The following NDC1 variants were observed in gnomAD, a reference collection of about 807,000 sequenced individuals.
NDC1 encodes NDC1 transmembrane nucleoporin.
In NDC1, 24 loss-of-function variants were observed where a neutral mutation model predicts 89.8. That is an observed-to-expected ratio of 0.27 (90% CI 0.19 to 0.38). The LOEUF (loss-of-function observed/expected upper bound fraction) is 0.38, where lower values mean the gene tolerates loss of function less well. Among genes scored for constraint, NDC1 ranks in the 10% least tolerant of loss-of-function variants. The pLI is 1.00. For synonymous variants in NDC1, 296 were observed against 284.8 expected (o/e 1.04, Z -0.39); for missense variants, 728 against 797.6 (o/e 0.91, Z 1.05).
At chr1:53,802,201 T>C (rs1457276098) in intron 10 of NDC1, among the ~76,000 whole-genome samples, 1 of 152,188 alleles carries the variant, frequency 6.6e-6, no homozygotes, top group Non-Finnish European at 1.5e-5. Context: ...TTTTCCACAG[T>C]ATCAGCTCTG....
At position 53,787,366 on chromosome 1, in the gene NDC1, AG is replaced by A. The variant is rs1000155418; in HGVS notation, c.1700-109del. 1.0e-5 allele frequency: 7 copies of A among 674,536 alleles called. No individual in the cohort carries two copies. The African/African-American group carries it at 1.3e-4, about 12-fold the overall frequency. The allele number at this position is 674,536 out of a possible 1,614,324, so 41.8% of individuals were successfully genotyped here. On this transcript the variant is annotated intron_variant, in intron 15 of 17. Coordinates refer to ENST00000371429, the MANE Select transcript of NDC1 (RefSeq NM_018087.5). ...ATATTCTGAATATAAAAAGAAATAA[AG>A]GCTGGGCACGGTGGCTCACACCTGT...
Position 53,809,715 on chromosome 1 carries a change from A to G in NDC1, c.735T>C (p.Ala245=). 6.2e-7 allele frequency: 1 copy of G among 1,612,266 alleles called. No homozygotes were observed. The change falls in exon 7 of 18, where the codon GCT becomes GCC. Residue 245 remains alanine, a synonymous_variant. Coordinates refer to ENST00000371429, the MANE Select transcript of NDC1 (RefSeq NM_018087.5). The stretch of plus-strand genomic sequence containing the variant: ...CTTACTCATCTATGTGAAGGTTCAT[A>G]GCAGTGCTAATCCAAGCTTTGGGAA... The part of the protein sequence containing the change: ...GYIPKAWIST[A]MNLHIDEQVH...
Position 53,788,456 on chromosome 1 carries a change from C to T in NDC1, c.1699+677G>A, listed in dbSNP as rs532247832. Among the ~76,000 whole-genome samples, 31 of 151,670 alleles carry T rather than the reference C, an allele frequency of 2.0e-4. No homozygotes were observed. The East Asian group carries it at 5.6e-3, about 28-fold the overall frequency. On this transcript the variant is annotated intron_variant, in intron 15 of 17. Transcript: ENST00000371429. ...AATTTTTTTTTTTGAGATGGAGTTG[C>T]GCTATTTGTTACCCAGGCTGGAGTG...
chr1:53,810,771 C>T (rs1238371052), intron 6 of NDC1, among the ~76,000 whole-genome samples: 2 of 152,184 alleles, frequency 1.3e-5, no homozygotes, highest in Admixed American at 1.3e-4. Flanking sequence ...ATCATGATGG[C>T]AGATGGGTGG....
At chr1:53,810,982 C>T (rs1648285033) in intron 6 of NDC1, among the ~76,000 whole-genome samples, 1 of 152,196 alleles carries the variant, frequency 6.6e-6, no homozygotes, top group South Asian at 2.1e-4. Flanking sequence ...AAGGAAGACC[C>T]TCCTCTTCTG....
chr1:53,785,619 C>G (rs1647283143), intron 16 of NDC1, among the ~76,000 whole-genome samples: 1 of 152,170 alleles, frequency 6.6e-6, no homozygotes, highest in South Asian at 2.1e-4. Context: ...GTCACCCAGG[C>G]TGGAGTGCAA....
At chr1:53,776,930 G>A (rs1647168112) in intron 16 of NDC1, among the ~76,000 whole-genome samples, 1 of 152,040 alleles carries the variant, frequency 6.6e-6, no homozygotes, top group Non-Finnish European at 1.5e-5. Flanking sequence ...ATTGTTACAA[G>A]ATAGTGAAAA....
Position 53,838,212 on chromosome 1 carries a change from AGTATGTCCCGCGACCTGCCGGCGCAG to A in NDC1, c.24_49del (p.Cys9ValfsTer33), listed in dbSNP as rs1252066551. ...AGTGCACGCCGCACTCACGCGCCAC[AGTATGTCCCGCGACCTGCCGGCGCAG>A]GGCCGGCTCACGGCCGTGGCCATGG... On this transcript the variant is annotated frameshift_variant, in exon 1 of 18. Coordinates refer to ENST00000371429, the MANE Select transcript of NDC1 (RefSeq NM_018087.5). LOFTEE classifies it high-confidence loss of function. The A allele has an allele frequency of 1.3e-6, 2 of 1,535,444 alleles. No individual in the cohort carries two copies. Among genetic ancestry groups the A allele is most frequent in the Non-Finnish European group, 1.7e-6 (2 of 1,145,982 alleles).
intron 11 of NDC1, among the ~76,000 whole-genome samples, chr1:53,799,432 A>C (rs1647833005): frequency 1.3e-5 from 2 of 152,210 alleles, no homozygotes; most frequent in Admixed American, 6.5e-5. Flanking sequence ...GATGTGTGTT[A>C]ATTTATTTAA....
chr1:53,807,879 A>AT, intron 7 of NDC1, 88 bp from the exon 8 acceptor site: 2 of 1,183,856 alleles, frequency 1.7e-6, no homozygotes, highest in Non-Finnish European at 2.4e-6. Context: ...AGACACAAAT[A>AT]TTATGTCTAA....
At chr1:53,768,828 T>C (rs1647088336) in intron 17 of NDC1, among the ~76,000 whole-genome samples, 1 of 152,212 alleles carries the variant, frequency 6.6e-6, no homozygotes, top group African/African-American at 2.4e-5. Flanking sequence ...ATTTCAAGTA[T>C]TTTACTGTAC....
intron 4 of NDC1, 120 bp downstream of exon 4, chr1:53,827,878 GC>G (rs1349302884): frequency 1.2e-5 from 8 of 692,400 alleles, no homozygotes; most frequent in Non-Finnish European, 6.5e-6. Flanking sequence ...CTTGATATAT[GC>G]AAAAAGCACC....
chr1:53,804,839 C>T (rs1320496194), intron 9 of NDC1, among the ~76,000 whole-genome samples: 2 of 151,678 alleles, frequency 1.3e-5, no homozygotes, highest in African/African-American at 4.8e-5. Context: ...CCCCTTTACT[C>T]ATCCTTCAAG....
chr1:53,787,218 T>A lies in NDC1; in HGVS notation c.1740A>T (p.Arg580Ser). The A allele has an allele frequency of 6.2e-7, 1 of 1,608,842 alleles. No individual in the cohort carries two copies. Among genetic ancestry groups the A allele is most frequent in the Non-Finnish European group, 8.5e-7 (1 of 1,178,382 alleles). Residue 580 changes from arginine to serine, a missense_variant, in exon 16 of 18, where the codon AGA (arginine) becomes AGT (serine). By Grantham distance (110) the Arg-to-Ser change is moderately radical (BLOSUM62 -1). Transcript: ENST00000371429. ...GTAGTGTCGTCTGGACAACTCCAAA[T>A]CTATCCTCTGTAAATGATGCTGCTA... ...HLVAASFTED[R>S]FGVVQTTLPA... is the part of the protein sequence containing the mutation.
At chr1:53,773,468 AT>A (rs1647136367) in intron 16 of NDC1, among the ~76,000 whole-genome samples, 1 of 151,992 alleles carries the variant, frequency 6.6e-6, no homozygotes, top group Non-Finnish European at 1.5e-5. Flanking sequence ...TTCCAAGCTG[AT>A]TTTCCCCCTT....
At chr1:53,815,352 C>T (rs1361454832) in intron 6 of NDC1, among the ~76,000 whole-genome samples, 3 of 152,172 alleles carry the variant, frequency 2.0e-5, no homozygotes, top group African/African-American at 7.2e-5. Context: ...AAACAAAAAT[C>T]ACATGATCAT....
intron 4 of NDC1, among the ~76,000 whole-genome samples, chr1:53,826,274 A>T (rs1648858650): frequency 6.6e-6 from 1 of 152,240 alleles, no homozygotes. Flanking sequence ...AGATGCCATA[A>T]CATTGGGTTT....
At chr1:53,816,198 A>G (rs941910674) in intron 6 of NDC1, among the ~76,000 whole-genome samples, 1 of 152,228 alleles carries the variant, frequency 6.6e-6, no homozygotes, top group Non-Finnish European at 1.5e-5. Context: ...ATTTCAAACT[A>G]TACTATAAAG....
At chr1:53,831,694 G>A (rs1422726043) in intron 3 of NDC1, among the ~76,000 whole-genome samples, 3 of 151,500 alleles carry the variant, frequency 2.0e-5, no homozygotes, top group African/African-American at 7.3e-5. Flanking sequence ...GGAAAATGAT[G>A]TTATAGTAAA....
Sources: gnomAD v4.1 joint callset for allele counts (sites outside exome capture counted in the v4.1 genomes callset) on GRCh38, gnomAD v4.1.1 for gene constraint, MANE v1.5 for transcripts, NCBI Gene and HGNC (gene_info 2026-07-23, HGNC 2026-07-21) for gene names.